Variants in GARIN5B observed in about 807,000 individuals in gnomAD.
GARIN5B encodes golgi associated RAB2 interactor family member 5B.
the GARIN5B span, chr19:55,362,153 A>G: frequency 7.1e-7 from 1 of 1,411,850 alleles, no homozygotes; most frequent in Non-Finnish European, 9.3e-7. Context: ...CCCCCGGCCT[A>G]GACTTTGGGC....
the GARIN5B span, chr19:55,355,457 C>T: frequency 2.1e-5 from 24 of 1,120,210 alleles, no homozygotes; most frequent in South Asian, 1.6e-4. Context: ...TCCCCCAGGG[C>T]GGGTCTTGCT....
chr19:55,360,678 G>C, the GARIN5B span: 3 of 1,549,288 alleles, frequency 1.9e-6, no homozygotes, highest in African/African-American at 4.1e-5. Flanking sequence ...GCCCTGCCCC[G>C]GGTATAAGGC....
At chr19:55,359,477 G>T in the GARIN5B span, 2 of 1,547,818 alleles carry the variant, frequency 1.3e-6, no homozygotes, top group African/African-American at 2.7e-5. Context: ...AGCAGGTACG[G>T]CTGGGGCCTT....
At chr19:55,360,052 C>A in the GARIN5B span, 1 of 1,424,760 alleles carries the variant, frequency 7.0e-7, no homozygotes, top group East Asian at 2.5e-5. Flanking sequence ...GGGCAGACCC[C>A]TGCTCCCTCC....
the GARIN5B span, chr19:55,361,260 TG>T: frequency 2.6e-6 from 4 of 1,550,460 alleles, no homozygotes; most frequent in East Asian, 9.8e-5. Flanking sequence ...GGAGACATCC[TG>T]GGTCAGGGAC....
chr19:55,360,716 T>A, the GARIN5B span: 1 of 1,551,626 alleles, frequency 6.4e-7, no homozygotes, highest in Non-Finnish European at 8.7e-7. Context: ...TGTGTCTGGT[T>A]GGCGGTGCTG....
At chr19:55,360,887 G>T in the GARIN5B span, 2 of 1,544,544 alleles carry the variant, frequency 1.3e-6, no homozygotes, top group Non-Finnish European at 1.8e-6. Flanking sequence ...TTCTGTCGGG[G>T]CGGGGGTCTG....
chr19:55,357,095 C>G, the GARIN5B span, among the ~76,000 whole-genome samples: 2 of 152,120 alleles, frequency 1.3e-5, no homozygotes, highest in Admixed American at 6.6e-5. Context: ...ACCTCCAACC[C>G]ATGAGTAGTC....
chr19:55,358,165 G>T, the GARIN5B span: 3 of 1,501,722 alleles, frequency 2.0e-6, no homozygotes, highest in Non-Finnish European at 2.7e-6. Context: ...GGTTCAAGAC[G>T]CCCGATTCCT....
the GARIN5B span, among the ~76,000 whole-genome samples, chr19:55,361,686 TTCCTCCTCCC>T: frequency 4.0e-5 from 1 of 25,182 alleles, no homozygotes; most frequent in African/African-American, 9.1e-5. Context: ...CAGGCCTCAG[TTCCTCCTCCC>T]TCAGACCCAG....
At chr19:55,359,831 TC>T in the GARIN5B span, 1 of 1,551,292 alleles carries the variant, frequency 6.4e-7, no homozygotes, top group African/African-American at 1.4e-5. Context: ...GTCCATGAGG[TC>T]TTCCGTGTCC....
At chr19:55,359,021 G>C in the GARIN5B span, 1 of 1,551,484 alleles carries the variant, frequency 6.4e-7, no homozygotes, top group South Asian at 1.2e-5. Flanking sequence ...CTCCTTCTTG[G>C]TCACGGTGAA....
At chr19:55,356,643 G>C in the GARIN5B span, among the ~76,000 whole-genome samples, 2 of 151,938 alleles carry the variant, frequency 1.3e-5, no homozygotes, top group African/African-American at 4.8e-5. Flanking sequence ...TCACTCTTTT[G>C]CCCAAACTTG....
chr19:55,361,663 T>TTTCA, the GARIN5B span, among the ~76,000 whole-genome samples: 1 of 12,702 alleles, frequency 7.9e-5, no homozygotes, highest in African/African-American at 1.8e-4. Context: ...TCTCCTCCCT[T>TTTCA]GACTCAGGGG....
chr19:55,355,746 G>A, the GARIN5B span, among the ~76,000 whole-genome samples: 1 of 152,136 alleles, frequency 6.6e-6, no homozygotes, highest in Non-Finnish European at 1.5e-5. Flanking sequence ...AGCATTTTGT[G>A]GGGCAGAGGC....
chr19:55,358,261 C>A, the GARIN5B span: 1 of 1,551,096 alleles, frequency 6.4e-7, no homozygotes, highest in African/African-American at 1.4e-5. Flanking sequence ...AAGACGACCC[C>A]ACAGTGGCCA....
At chr19:55,361,547 T>C in the GARIN5B span, 3 of 1,131,940 alleles carry the variant, frequency 2.7e-6, no homozygotes, top group East Asian at 5.5e-5. Context: ...CAGCTCCTCC[T>C]GCCTCAGACC....
At chr19:55,361,124 A>G in the GARIN5B span, 3 of 1,551,244 alleles carry the variant, frequency 1.9e-6, no homozygotes, top group South Asian at 1.2e-5. Flanking sequence ...TGAGGAAGGG[A>G]CGGTTAGACA....
the GARIN5B span, chr19:55,358,349 A>G: frequency 6.6e-7 from 1 of 1,524,084 alleles, no homozygotes. Flanking sequence ...TGTGGCCTCC[A>G]TCTTTGAGAT....
Sources: allele counts gnomAD v4.1 joint callset (sites outside exome capture counted in the v4.1 genomes callset), GRCh38; gene constraint gnomAD v4.1.1; transcripts MANE v1.5; gene names NCBI Gene and HGNC (gene_info 2026-07-23, HGNC 2026-07-21).